The following EPB41L3 variants were observed in gnomAD, a reference collection of about 807,000 sequenced individuals.
EPB41L3 encodes the protein band 4.1-like protein 3.
In EPB41L3, 57 loss-of-function variants were observed where a neutral mutation model predicts 127.1. That is an observed-to-expected ratio of 0.45 (90% CI 0.36 to 0.56). The LOEUF is 0.56. Among genes scored for constraint, EPB41L3 ranks in the 20% least tolerant of loss-of-function variants. EPB41L3 has a pLI of 0.00. For synonymous variants in EPB41L3, 572 were observed against 549.5 expected (o/e 1.04, Z -0.57); for missense variants, 1,273 against 1,372.2 (o/e 0.93, Z 1.14).
intron 1 of EPB41L3, among the ~76,000 whole-genome samples, chr18:5,527,525 G>T (rs1374850777): frequency 1.3e-5 from 2 of 152,116 alleles, no homozygotes; most frequent in Non-Finnish European, 2.9e-5. Context: ...CTAAAAGTTG[G>T]GTCTATGGCA....
intron 1 of EPB41L3, among the ~76,000 whole-genome samples, chr18:5,533,164 A>G (rs189564157): frequency 3.6e-4 from 55 of 152,316 alleles, no homozygotes; most frequent in Non-Finnish European, 3.7e-4. Flanking sequence ...AAAAAAGCCA[A>G]CGTCTGAAAA....
chr18:5,561,059 G>A (rs1259878720), intron 3 of EPB41L3, among the ~76,000 whole-genome samples: 1 of 147,078 alleles, frequency 6.8e-6, no homozygotes, highest in South Asian at 2.2e-4. Context: ...CTCACTGCAA[G>A]CTCCGCCTCC....
At chr18:5,436,143 A>G (rs2079750012) in intron 6 of EPB41L3, among the ~76,000 whole-genome samples, 1 of 152,178 alleles carries the variant, frequency 6.6e-6, no homozygotes. Flanking sequence ...GTTAACATTG[A>G]TGAGTTTTAA....
At chr18:5,574,491 G>GT (rs2094317932) in intron 3 of EPB41L3, among the ~76,000 whole-genome samples, 1 of 146,250 alleles carries the variant, frequency 6.8e-6, no homozygotes, top group African/African-American at 2.5e-5. Context: ...TTTTTTAAGT[G>GT]TAATCTTCCT....
chr18:5,610,200 T>TCC, intron 3 of EPB41L3: 1 of 985,338 alleles, frequency 1.0e-6, no homozygotes, highest in Non-Finnish European at 1.2e-6. Flanking sequence ...GATTGGCAGG[T>TCC]CCATATTCCA....
intron 1 of EPB41L3, among the ~76,000 whole-genome samples, chr18:5,616,238 T>C (rs2094793889): frequency 6.6e-6 from 1 of 152,092 alleles, no homozygotes; most frequent in South Asian, 2.1e-4. Context: ...GTATGCCTGC[T>C]GCACTCTTTC....
At chr18:5,432,933 C>T (rs1337430653) in intron 8 of EPB41L3, among the ~76,000 whole-genome samples, 1 of 152,156 alleles carries the variant, frequency 6.6e-6, no homozygotes, top group Non-Finnish European at 1.5e-5. Flanking sequence ...TTACTGACTG[C>T]CTGGTATGTA....
At chr18:5,431,022 A>C (rs978856769) in intron 8 of EPB41L3, among the ~76,000 whole-genome samples, 1 of 152,198 alleles carries the variant, frequency 6.6e-6, no homozygotes, top group Non-Finnish European at 1.5e-5. Context: ...CTTTAATTCA[A>C]CATCAGTGTT....
chr18:5,439,190 C>T (rs1215188876), intron 5 of EPB41L3, among the ~76,000 whole-genome samples: 4 of 152,070 alleles, frequency 2.6e-5, no homozygotes, highest in Admixed American at 2.6e-4. Context: ...GTCCCCCAGG[C>T]TTCCACCCTG....
chr18:5,418,726 A>G (rs2077115994), intron 12 of EPB41L3, among the ~76,000 whole-genome samples: 1 of 152,238 alleles, frequency 6.6e-6, no homozygotes. Context: ...ATATTTTAGC[A>G]TAACTACAAA....
chr18:5,600,218 C>T (rs897340784), intron 3 of EPB41L3, among the ~76,000 whole-genome samples: 2 of 152,180 alleles, frequency 1.3e-5, no homozygotes, highest in Non-Finnish European at 2.9e-5. Context: ...AGGGTTGAGG[C>T]ATGGCAAACT....
At chr18:5,545,392 C>G (rs185796413), upstream of EPB41L3, among the ~76,000 whole-genome samples, 5 of 151,974 alleles carry the variant, frequency 3.3e-5, no homozygotes, top group South Asian at 2.1e-4. Flanking sequence ...CAGTGAGGCC[C>G]GGAGACGTGG....
intron 1 of EPB41L3, among the ~76,000 whole-genome samples, chr18:5,542,434 C>T (rs2093757632): frequency 6.6e-6 from 1 of 152,206 alleles, no homozygotes; most frequent in South Asian, 2.1e-4. Context: ...GCACACCTGG[C>T]CACCTCAGGC....
intron 5 of EPB41L3, among the ~76,000 whole-genome samples, chr18:5,442,386 T>C (rs2080907746): frequency 2.6e-5 from 4 of 152,200 alleles, no homozygotes; most frequent in Admixed American, 2.6e-4. Flanking sequence ...AAAGATGTCT[T>C]AATTGTATAA....
chr18:5,438,981 C>T (rs1297356651), intron 5 of EPB41L3, among the ~76,000 whole-genome samples: 1 of 151,962 alleles, frequency 6.6e-6, no homozygotes, highest in Non-Finnish European at 1.5e-5. Context: ...TGGAAAATAC[C>T]CTTTTCTTTT....
upstream of EPB41L3, among the ~76,000 whole-genome samples, chr18:5,547,732 A>G (rs79073947): frequency 3.9e-3 from 589 of 152,308 alleles, 1 homozygote; most frequent in African/African-American, 0.012. Flanking sequence ...ATGAACCTCT[A>G]TTCCACCACA....
In EPB41L3 at chr18:5,395,063, C is replaced by T. The variant is rs1412892275; in HGVS notation, c.3153+4G>A. ...CAGGGTATTTACCGTCTCACACACA[C>T]TACCTGGTCATGGTCAATGTCTGCA... is the stretch of plus-strand genomic sequence containing the variant. On this transcript the variant is annotated splice_donor_region_variant and intron_variant, in intron 21 of 22. Transcript: ENST00000341928. The T allele has an allele frequency of 6.2e-7, 1 of 1,613,906 alleles. No homozygotes were observed. Among genetic ancestry groups the T allele is most frequent in the Admixed American group, 1.7e-5 (1 of 60,032 alleles).
At chr18:5,561,261 G>A (rs2094132088) in intron 3 of EPB41L3, among the ~76,000 whole-genome samples, 2 of 152,156 alleles carry the variant, frequency 1.3e-5, no homozygotes, top group Admixed American at 1.3e-4. Context: ...ATAGGCGTGA[G>A]CCACCGCGCC....
chr18:5,489,209 A>T lies in EPB41L3; in HGVS notation c.-11-15T>A. The T allele has an allele frequency of 1.3e-6, 2 of 1,585,346 alleles. 1 individual carries two copies. The highest frequency in any genetic ancestry group is 2.3e-5 in the South Asian group (2 of 87,586). ...GGTTGATTGTTCTGCAAGCAGAAAAAAGGGAAGAGCAGGTCACTCCGTGCC... is the reference window on the plus strand; with the variant it reads ...GGTTGATTGTTCTGCAAGCAGAAAATAGGGAAGAGCAGGTCACTCCGTGCC... On this transcript the variant is annotated splice_polypyrimidine_tract_variant and intron_variant, in intron 1 of 22. Transcript: ENST00000341928.
Sources: allele counts gnomAD v4.1 joint callset (sites outside exome capture counted in the v4.1 genomes callset), GRCh38; gene constraint gnomAD v4.1.1; transcripts MANE v1.5; gene names NCBI Gene and HGNC (gene_info 2026-07-23, HGNC 2026-07-21).